Variants in M1AP observed in about 807,000 individuals in gnomAD.
M1AP encodes meiosis 1 associated protein.
Under a neutral mutation model 51.2 loss-of-function variants are expected in M1AP, and 39 were observed. The ratio of observed to expected loss-of-function variants is 0.76; its 90% CI spans 0.59 to 1.00. The LOEUF is 1.00. Among genes scored for constraint, M1AP ranks in the 50% least tolerant of loss-of-function variants. M1AP has a pLI of 0.00. For synonymous variants in M1AP, 251 were observed against 249.2 expected, an observed-to-expected ratio of 1.01 and a Z score of -0.07; for missense variants, 545 against 641.2, an observed-to-expected ratio of 0.85 and a Z score of 1.62.
intron 9 of M1AP, 79 bp downstream of exon 9, chr2:74,560,072 G>A (rs937992079): frequency 6.7e-7 from 1 of 1,499,580 alleles, no homozygotes. Context: ...TGGGATGGGG[G>A]AGGAGGGTTT....
At chr2:74,593,968 G>A (rs919651007) in intron 4 of M1AP, among the ~76,000 whole-genome samples, 4 of 152,128 alleles carry the variant, frequency 2.6e-5, no homozygotes, top group South Asian at 2.1e-4. Context: ...AGCCAGAGCC[G>A]GAGCGCCCTA....
chr2:74,636,770 G>T (rs1438056449), intron 2 of M1AP, among the ~76,000 whole-genome samples: 5 of 151,960 alleles, frequency 3.3e-5, no homozygotes, highest in Non-Finnish European at 5.9e-5. Context: ...TAATATAATT[G>T]TCTTAGGTAT....
chr2:74,640,535 A>G (rs1266088217), intron 1 of M1AP, among the ~76,000 whole-genome samples: 1 of 149,274 alleles, frequency 6.7e-6, no homozygotes, highest in Non-Finnish European at 1.5e-5. Flanking sequence ...ATCTTGGCTC[A>G]CTGCAACCTC....
intron 2 of M1AP, among the ~76,000 whole-genome samples, chr2:74,620,404 G>A (rs1681933847): frequency 1.3e-5 from 2 of 152,218 alleles, no homozygotes; most frequent in African/African-American, 4.8e-5. Flanking sequence ...TGCATCATAG[G>A]TGGAGAGCAT....
intron 5 of M1AP, among the ~76,000 whole-genome samples, chr2:74,578,991 C>T (rs1480122163): frequency 6.6e-6 from 1 of 152,122 alleles, no homozygotes; most frequent in Admixed American, 6.6e-5. Context: ...CTAGAAGAGG[C>T]CTAATTTCCC....
At chr2:74,640,534 CA>C (rs1358502253) in intron 1 of M1AP, among the ~76,000 whole-genome samples, 9 of 149,768 alleles carry the variant, frequency 6.0e-5, no homozygotes, top group Non-Finnish European at 1.0e-4. Context: ...GATCTTGGCT[CA>C]CTGCAACCTC....
chr2:74,600,557 T>C (rs1558671255), intron 4 of M1AP, among the ~76,000 whole-genome samples: 1 of 152,192 alleles, frequency 6.6e-6, no homozygotes, highest in Non-Finnish European at 1.5e-5. Context: ...GGCTTATATG[T>C]AAAGAGGGCA....
rs774128933 is a variant in M1AP, at chr2:74,558,883, A to G, written c.1435-9T>C. 65 of 1,574,800 alleles carry G rather than the reference A, an allele frequency of 4.1e-5. No individual in the cohort carries two copies. The highest frequency in any genetic ancestry group is 2.6e-5 in the Non-Finnish European group (30 of 1,166,406). On this transcript the variant is annotated splice_polypyrimidine_tract_variant and intron_variant, in intron 10 of 10. Transcript: ENST00000421985. ...GTCTGCAACTGCCCAGTCTGCAAAG[A>G]GAGCAACCAGAGCCTTCTCTGAAGA...
chr2:74,622,020 T>A (rs1682079667), intron 2 of M1AP, among the ~76,000 whole-genome samples: 1 of 150,200 alleles, frequency 6.7e-6, no homozygotes, highest in Non-Finnish European at 1.5e-5. Flanking sequence ...CTCGGGAGAC[T>A]GAGGCATAAG....
chr2:74,633,792 G>A (rs558095603), intron 2 of M1AP, among the ~76,000 whole-genome samples: 2 of 152,248 alleles, frequency 1.3e-5, no homozygotes, highest in East Asian at 1.9e-4. Flanking sequence ...CAAAGATCCC[G>A]TCAGGCAGCC....
chr2:74,588,271 G>A (rs1202910500), intron 4 of M1AP, among the ~76,000 whole-genome samples: 5 of 152,200 alleles, frequency 3.3e-5, no homozygotes, highest in African/African-American at 4.8e-5. Context: ...TGGGGTGGGG[G>A]AAGGGGGAAA....
At chr2:74,644,984 T>C (rs1001426548) in intron 1 of M1AP, among the ~76,000 whole-genome samples, 2 of 152,102 alleles carry the variant, frequency 1.3e-5, no homozygotes, top group East Asian at 3.9e-4. Context: ...CCTGCTCAGG[T>C]CCCCTTCCAC....
chr2:74,612,194 A>C (rs1468862651), intron 3 of M1AP, among the ~76,000 whole-genome samples: 2 of 151,742 alleles, frequency 1.3e-5, no homozygotes, highest in African/African-American at 2.4e-5. Context: ...CCCGGCCACC[A>C]GTTCTTTTTT....
chr2:74,584,805 C>CATATATATATATAT (rs57709358), intron 4 of M1AP, among the ~76,000 whole-genome samples: 1 of 139,296 alleles, frequency 7.2e-6, no homozygotes, highest in African/African-American at 2.6e-5. Context: ...ATGTTATTGC[C>CATATATATATATAT]ATATATATAT....
intron 1 of M1AP, among the ~76,000 whole-genome samples, chr2:74,643,157 G>T (rs1558703797): frequency 6.6e-6 from 1 of 150,916 alleles, no homozygotes; most frequent in African/African-American, 2.4e-5. Flanking sequence ...CAGGATACAT[G>T]AAAAAAAAGT....
intron 4 of M1AP, among the ~76,000 whole-genome samples, chr2:74,590,356 C>G (rs1368896828): frequency 2.6e-5 from 4 of 151,856 alleles, no homozygotes; most frequent in Non-Finnish European, 4.4e-5. Flanking sequence ...ATTCTGCCCT[C>G]CCTCATGACC....
chr2:74,636,954 C>T (rs186613552), intron 2 of M1AP, among the ~76,000 whole-genome samples: 163 of 152,204 alleles, frequency 1.1e-3, no homozygotes, highest in Middle Eastern at 3.4e-3. Context: ...TTGTGCATGG[C>T]ATTCATTGAT....
chr2:74,640,790 T>G (rs62147441), intron 1 of M1AP, among the ~76,000 whole-genome samples: 2,625 of 152,372 alleles, frequency 0.017, 32 homozygotes, highest in Non-Finnish European at 0.023. Flanking sequence ...CCAAGAGATC[T>G]AGATGTTTGC....
At position 74,643,929 on chromosome 2, in the gene M1AP, T is replaced by C. The variant is rs371568075; in HGVS notation, c.-52-3602A>G. On this transcript the variant is annotated intron_variant, in intron 1 of 10. Coordinates refer to ENST00000421985, the MANE Select transcript of M1AP (RefSeq NM_001321739.2). The stretch of plus-strand genomic sequence containing the variant: ...TATTTCTTGATCTTTATTGTGGATA[T>C]TGGGTATTCACTTTCTACTATTAAA... 1.4e-4 allele frequency among the ~76,000 whole-genome samples: 22 copies of C among 152,300 alleles called. No individual in the cohort carries two copies. In the East Asian group the frequency reaches 4.0e-3, roughly 28 times the overall value.
Sources: allele counts gnomAD v4.1 joint callset (sites outside exome capture counted in the v4.1 genomes callset), GRCh38; gene constraint gnomAD v4.1.1; transcripts MANE v1.5; gene names NCBI Gene and HGNC (gene_info 2026-07-23, HGNC 2026-07-21).